Variants in ZNF385C observed in about 807,000 individuals in gnomAD.
ZNF385C encodes the protein zinc finger protein 385C, also known as CTD-2132N18.2.
Under a neutral mutation model 35.4 loss-of-function variants are expected in ZNF385C, and 28 were observed. That is an observed-to-expected ratio of 0.79 (90% CI 0.59 to 1.08). The LOEUF (loss-of-function observed/expected upper bound fraction) is 1.08, where lower values mean the gene tolerates loss of function less well. Ranked by LOEUF, ZNF385C falls within the 50% of genes least tolerant of loss-of-function variation. ZNF385C has a pLI of 0.00. For missense variants in ZNF385C, 605 were observed against 595.6 expected (o/e 1.02, Z -0.16); for synonymous variants, 248 against 248.2 (o/e 1.00, Z 0.01).
At chr17:42,091,770 CT>C (rs1162019203) in intron 1 of ZNF385C, among the ~76,000 whole-genome samples, 1 of 152,324 alleles carries the variant, frequency 6.6e-6, no homozygotes, top group East Asian at 1.9e-4. Flanking sequence ...TCTTGTGTCC[CT>C]CTCCCCTCAG....
At chr17:42,090,003 G>A (rs115978108) in intron 1 of ZNF385C, among the ~76,000 whole-genome samples, 2,390 of 152,200 alleles carry the variant, frequency 0.016, 57 homozygotes, top group African/African-American at 0.055. Context: ...CAAAATATCC[G>A]TAGTGGTTAA....
intron 1 of ZNF385C, among the ~76,000 whole-genome samples, chr17:42,083,540 C>T (rs1193357650): frequency 2.6e-5 from 4 of 151,878 alleles, no homozygotes; most frequent in African/African-American, 9.7e-5. Context: ...AATCACACTA[C>T]AGGAGGTCTT....
At chr17:42,038,303 G>C in intron 2 of ZNF385C, 1 of 504,388 alleles carries the variant, frequency 2.0e-6, no homozygotes. Context: ...GCTAGCCCTC[G>C]CCCCTCTCAC....
At chr17:42,033,310 G>T (rs536737968) in intron 4 of ZNF385C, among the ~76,000 whole-genome samples, 2 of 152,356 alleles carry the variant, frequency 1.3e-5, no homozygotes, top group East Asian at 3.9e-4. Flanking sequence ...GTAGAAAGGG[G>T]TAGGCTGTAG....
rs1555655002 is a variant in ZNF385C, at chr17:42,031,618, C to T, written c.676+1G>A. ...GGGAAAGAGAAGAGCTCAGGACTGA[C>T]CTTTACTCTGTGGCTCTCCAGGGGC... On this transcript the variant is annotated splice_donor_variant, in intron 5 of 8. Transcript: ENST00000692273. LOFTEE classifies it high-confidence loss of function. 6.4e-7 allele frequency: 1 copy of T among 1,550,400 alleles called. No homozygotes were observed. Among genetic ancestry groups the T allele is most frequent in the South Asian group, 1.2e-5 (1 of 84,056 alleles).
intron 1 of ZNF385C, among the ~76,000 whole-genome samples, chr17:42,081,938 G>A (rs1027941637): frequency 2.6e-5 from 4 of 152,138 alleles, no homozygotes; most frequent in Non-Finnish European, 5.9e-5. Flanking sequence ...GAGCAAGGGC[G>A]AGCTCCAGAG....
At chr17:42,086,339 C>T (rs1211252567) in intron 1 of ZNF385C, among the ~76,000 whole-genome samples, 1 of 152,000 alleles carries the variant, frequency 6.6e-6, no homozygotes, top group African/African-American at 2.4e-5. Context: ...TTGCAGTGAG[C>T]TGAGATCGCT....
At chr17:42,079,934 C>T (rs557892151) in intron 1 of ZNF385C, among the ~76,000 whole-genome samples, 7 of 152,332 alleles carry the variant, frequency 4.6e-5, no homozygotes, top group Non-Finnish European at 8.8e-5. Flanking sequence ...CCCTCCTGCC[C>T]ATCATCTTGC....
chr17:42,061,207 A>ATTTTTTTTTTTTTTT (rs10617911), intron 2 of ZNF385C: 17 of 57,508 alleles, frequency 3.0e-4, no homozygotes, highest in East Asian at 1.4e-3. Flanking sequence ...TAATGAGTTA[A>ATTTTTTTTTTTTTTT]TTTTTTTTTT....
At chr17:42,084,684 C>T (rs985882740) in intron 1 of ZNF385C, among the ~76,000 whole-genome samples, 3 of 152,006 alleles carry the variant, frequency 2.0e-5, no homozygotes, top group Non-Finnish European at 4.4e-5. Context: ...GATCACGGCT[C>T]ACTGCAGCCT....
At chr17:42,076,147 G>T (rs1324694131) in intron 1 of ZNF385C, among the ~76,000 whole-genome samples, 4 of 152,042 alleles carry the variant, frequency 2.6e-5, no homozygotes, top group Non-Finnish European at 4.4e-5. Flanking sequence ...ACAAAGACGT[G>T]GCTTCACCTA....
chr17:42,057,083 C>T (rs982548692), intron 2 of ZNF385C, among the ~76,000 whole-genome samples: 3 of 152,040 alleles, frequency 2.0e-5, no homozygotes, highest in Non-Finnish European at 4.4e-5. Context: ...ATGCAGTGAG[C>T]TATGATTGTG....
intron 2 of ZNF385C, among the ~76,000 whole-genome samples, chr17:42,058,961 T>G (rs1240610129): frequency 6.6e-6 from 1 of 152,208 alleles, no homozygotes; most frequent in Non-Finnish European, 1.5e-5. Flanking sequence ...CTGACCAAGT[T>G]GCTGGCATCT....
intron 1 of ZNF385C, among the ~76,000 whole-genome samples, chr17:42,089,458 C>G (rs959329885): frequency 6.6e-6 from 1 of 152,286 alleles, no homozygotes; most frequent in African/African-American, 2.4e-5. Flanking sequence ...TCCCCTCCCC[C>G]AAGCCCTTCT....
At chr17:42,045,169 G>T (rs2053129231) in intron 2 of ZNF385C, among the ~76,000 whole-genome samples, 1 of 151,874 alleles carries the variant, frequency 6.6e-6, no homozygotes, top group Admixed American at 6.6e-5. Context: ...CGTCCGCCTC[G>T]GCCTCCCAAA....
At position 42,095,959 on chromosome 17, in the gene ZNF385C, T is replaced by C. The variant is rs797032912; in HGVS notation, c.-3+2451A>G. 2.6e-5 allele frequency among the ~76,000 whole-genome samples: 4 copies of C among 152,344 alleles called. No homozygotes were observed. The highest frequency in any genetic ancestry group is 9.6e-5 in the African/African-American group (4 of 41,572). ...AGCCAGCAAACTGTGAAATATGTTC[T>C]AACCTCTCACCCTGACAAATACACC... On this transcript the variant is annotated intron_variant, in intron 1 of 8. Coordinates refer to ENST00000692273, the MANE Select transcript of ZNF385C (RefSeq NM_001392013.1). The surrounding 1 kb of genome is among the most constrained non-coding windows in gnomAD (Gnocchi z 4.4).
rs552826948 is a variant in ZNF385C at position 42,031,895 on chromosome 17, C to T, written c.511-111G>A. 2.0e-3 allele frequency: 2,387 copies of T among 1,223,262 alleles called. 5 individuals carry two copies. The highest frequency in any genetic ancestry group is 2.2e-3 in the Non-Finnish European group (1,964 of 884,814). 75.8% of individuals were successfully genotyped at this position (1,223,262 alleles called of 1,614,324 possible). The stretch of plus-strand genomic sequence containing the variant: ...TCAAAGGGAGGCAGGGCTCAGGTCA[C>T]ACAAAGGGCAAGTCCTTGTCCTTGT... On this transcript the variant is annotated intron_variant, in intron 4 of 8. Transcript: ENST00000692273.
At chr17:42,051,780 A>G (rs962219696) in intron 2 of ZNF385C, among the ~76,000 whole-genome samples, 1 of 152,158 alleles carries the variant, frequency 6.6e-6, no homozygotes, top group Non-Finnish European at 1.5e-5. Flanking sequence ...TTGAGGTCCC[A>G]GCCCCACCAG....
At chr17:42,032,769 C>T (rs1171331456) in intron 4 of ZNF385C, among the ~76,000 whole-genome samples, 2 of 151,176 alleles carry the variant, frequency 1.3e-5, no homozygotes, top group East Asian at 1.9e-4. Flanking sequence ...TGGAGTGCAA[C>T]GGGAGCAATC....
Sources: gnomAD v4.1 joint callset for allele counts (sites outside exome capture counted in the v4.1 genomes callset) on GRCh38, gnomAD v4.1.1 for gene constraint, Gnocchi (gnomAD v3.1) non-coding constraint, MANE v1.5 for transcripts, NCBI Gene and HGNC (gene_info 2026-07-23, HGNC 2026-07-21) for gene names.